Variants in HCK observed in about 807,000 individuals in gnomAD.
HCK encodes tyrosine-protein kinase HCK.
Under a neutral mutation model 70.4 loss-of-function variants are expected in HCK, and 40 were observed. The observed-to-expected ratio is 0.57, with a 90% CI of 0.44 to 0.74. HCK has a LOEUF of 0.74. HCK is among the 30% of genes least tolerant of loss of function. The pLI, the probability that HCK is intolerant of heterozygous loss-of-function variation, is 0.00. For synonymous variants in HCK, 245 were observed against 263.2 expected, an observed-to-expected ratio of 0.93 and a Z score of 0.67; for missense variants, 568 against 697.2, an observed-to-expected ratio of 0.81 and a Z score of 2.09.
At chr20:32,056,509 C>T (rs1313779598) in intron 1 of HCK, among the ~76,000 whole-genome samples, 1 of 142,254 alleles carries the variant, frequency 7.0e-6, no homozygotes, top group Non-Finnish European at 1.5e-5. Context: ...GAGCGAGACT[C>T]CTTCTCAGAA....
chr20:32,094,834 AAAGAAAGAAAGAAAGAAAAG>A (rs2045931958), intron 11 of HCK, among the ~76,000 whole-genome samples: 1 of 129,918 alleles, frequency 7.7e-6, no homozygotes, highest in Admixed American at 7.7e-5. Context: ...AGAAAGAAAG[AAAGAAAGAAAGAAAGAAAAG>A]AAAGAAAGAG....
intron 11 of HCK, among the ~76,000 whole-genome samples, chr20:32,097,302 G>A (rs892608304): frequency 3.3e-5 from 5 of 151,724 alleles, no homozygotes; most frequent in Non-Finnish European, 5.9e-5. Flanking sequence ...AAATAGGGCC[G>A]GGCACGTTGG....
intron 1 of HCK, among the ~76,000 whole-genome samples, chr20:32,071,118 C>T (rs1329445598): frequency 1.3e-5 from 2 of 152,200 alleles, no homozygotes; most frequent in Non-Finnish European, 2.9e-5. Context: ...GGCAATTTAT[C>T]ATCTGATAAT....
intron 1 of HCK, among the ~76,000 whole-genome samples, chr20:32,058,553 A>G (rs2045310503): frequency 6.7e-6 from 1 of 148,742 alleles, no homozygotes. Flanking sequence ...AAGGGGGAGA[A>G]CTGAGGAGGA....
chr20:32,093,811 A>C, intron 10 of HCK, 52 bp from the exon 11 acceptor site: 2 of 1,549,136 alleles, frequency 1.3e-6, no homozygotes, highest in Non-Finnish European at 1.7e-6. Context: ...GGGTGGGGCC[A>C]TCTTGGCGTA....
chr20:32,093,813 C>T (rs1451936702), intron 10 of HCK, 50 bp from the exon 11 acceptor site: 1 of 1,556,926 alleles, frequency 6.4e-7, no homozygotes, highest in African/African-American at 1.4e-5. Flanking sequence ...GTGGGGCCAT[C>T]TTGGCGTAGG....
intron 10 of HCK, among the ~76,000 whole-genome samples, chr20:32,090,816 C>T (rs1489391278): frequency 6.6e-6 from 1 of 152,212 alleles, no homozygotes; most frequent in Non-Finnish European, 1.5e-5. Context: ...AGCATCTGGG[C>T]TTAGGAGTCA....
chr20:32,074,702 G>T lies in HCK; in HGVS notation c.409G>T (p.Asp137Tyr), dbSNP rs2045596504. The change falls in exon 5 of 13, where the codon GAC becomes TAC. Residue 137 changes from aspartate (D) to tyrosine (Y), a missense_variant. Around this residue, in one of 4 missense-constraint regions of HCK, gnomAD observed 318 missense variants for 336.0 expected, o/e 0.95. Transcript: ENST00000375852. ...CCCAAGCAACTATGTCGCCCGCGTT[G>T]ACTCTCTGGAGACAGAGGAGTAAGT... is the stretch of plus-strand genomic sequence containing the variant. The T allele has an allele frequency of 3.1e-6, 5 of 1,613,456 alleles. No homozygotes were observed. The highest frequency in any genetic ancestry group is 4.2e-6 in the Non-Finnish European group (5 of 1,179,412).
chr20:32,068,867 C>T (rs1276470510), intron 1 of HCK, among the ~76,000 whole-genome samples: 1 of 152,088 alleles, frequency 6.6e-6, no homozygotes, highest in African/African-American at 2.4e-5. Context: ...TCACTTGATC[C>T]TGGGAGGTCG....
chr20:32,067,358 C>T (rs966046443), intron 1 of HCK, among the ~76,000 whole-genome samples: 3 of 152,070 alleles, frequency 2.0e-5, no homozygotes, highest in South Asian at 2.1e-4. Context: ...TGAAACTCTA[C>T]ACCCATTGAA....
chr20:32,088,620 A>G lies in HCK; in HGVS notation c.1068A>G (p.Pro356=), dbSNP rs1263788358. 6.2e-7 allele frequency: 1 copy of G among 1,614,082 alleles called. No individual in the cohort carries two copies. The highest frequency in any genetic ancestry group is 8.5e-7 in the Non-Finnish European group (1 of 1,179,978). The change falls in exon 10 of 13, where the codon CCA becomes CCG. Residue 356 remains proline (P), a synonymous_variant. Transcript: ENST00000375852. Reference sequence around the variant, plus strand: ...ATGAGGGCAGCAAGCAGCCATTGCCAAAACTCATTGACTTCTCAGCCCAGG... The same window carrying G: ...ATGAGGGCAGCAAGCAGCCATTGCCGAAACTCATTGACTTCTCAGCCCAGG...
At chr20:32,075,794 A>T (rs956111291) in intron 5 of HCK, among the ~76,000 whole-genome samples, 1 of 152,118 alleles carries the variant, frequency 6.6e-6, no homozygotes, top group African/African-American at 2.4e-5. Flanking sequence ...GATGACTTAG[A>T]TGGGGCTCCC....
chr20:32,096,444 G>A (rs1188322094), intron 11 of HCK, among the ~76,000 whole-genome samples: 3 of 146,568 alleles, frequency 2.0e-5, no homozygotes, highest in Admixed American at 7.0e-5. Flanking sequence ...TTGCAGCAAT[G>A]AGCCGAGATT....
At chr20:32,091,699 G>A (rs1364506187) in intron 10 of HCK, among the ~76,000 whole-genome samples, 1 of 151,838 alleles carries the variant, frequency 6.6e-6, no homozygotes, top group African/African-American at 2.4e-5. Context: ...GGGTCTCTGG[G>A]TCTCCCTTGG....
chr20:32,052,797 ATT>A (rs397799329), intron 1 of HCK, among the ~76,000 whole-genome samples: 1 of 112,512 alleles, frequency 8.9e-6, no homozygotes, highest in African/African-American at 3.6e-5. Context: ...GGGGGCGGGG[ATT>A]TTTTTTTTAA....
intron 1 of HCK, among the ~76,000 whole-genome samples, chr20:32,068,748 C>A (rs1297689355): frequency 6.6e-6 from 1 of 151,416 alleles, no homozygotes; most frequent in African/African-American, 2.4e-5. Flanking sequence ...GTGAGACCTG[C>A]CCCCCCTCTC....
intron 10 of HCK, among the ~76,000 whole-genome samples, chr20:32,091,003 A>G (rs1484824505): frequency 6.6e-6 from 1 of 152,212 alleles, no homozygotes; most frequent in African/African-American, 2.4e-5. Context: ...ATTCATCTTC[A>G]CATGACCCCT....
intron 7 of HCK, 29 bp from the exon 8 acceptor site, chr20:32,084,362 C>T (rs1384816036): frequency 6.3e-6 from 10 of 1,594,846 alleles, no homozygotes; most frequent in Non-Finnish European, 8.6e-6. Flanking sequence ...GTGCTTGTTG[C>T]TCTCAATTGA....
intron 1 of HCK, among the ~76,000 whole-genome samples, chr20:32,066,179 T>C (rs2045454126): frequency 6.6e-6 from 1 of 151,718 alleles, no homozygotes. Flanking sequence ...CTTCACCCCA[T>C]CCCCTGTTCC....
Sources: gnomAD v4.1 joint callset for allele counts (sites outside exome capture counted in the v4.1 genomes callset) on GRCh38, gnomAD v4.1.1 for gene constraint, gnomAD v4.1.1 regional missense constraint, MANE v1.5 for transcripts, NCBI Gene and HGNC (gene_info 2026-07-23, HGNC 2026-07-21) for gene names.